The following LHFPL3 variants were observed in gnomAD, a reference collection of about 807,000 sequenced individuals.
The protein encoded by LHFPL3 is LHFPL tetraspan subfamily member 3.
LHFPL3 carries 5 observed loss-of-function variants against 19.3 expected under a neutral mutation model. The ratio of observed to expected loss-of-function variants is 0.26; its 90% CI spans 0.14 to 0.54. LHFPL3 has a LOEUF of 0.54. Among genes scored for constraint, LHFPL3 ranks in the 20% least tolerant of loss-of-function variants. The pLI is 0.94. For synonymous variants in LHFPL3, 133 were observed against 126.2 expected (o/e 1.05, Z -0.36); for missense variants, 249 against 307.4 (o/e 0.81, Z 1.42).
chr7:104,852,854 C>A (rs901178301), intron 2 of LHFPL3, among the ~76,000 whole-genome samples: 1 of 146,464 alleles, frequency 6.8e-6, no homozygotes, highest in Non-Finnish European at 1.5e-5. Flanking sequence ...CCTCCCTCCA[C>A]CCTCTTCCCA....
intron 1 of LHFPL3, among the ~76,000 whole-genome samples, chr7:104,602,616 T>A (rs6953037): frequency 0.028 from 4,223 of 152,278 alleles, 196 homozygotes; most frequent in African/African-American, 0.097. Context: ...GGACACAGAA[T>A]CAATAGCATC....
At chr7:104,436,092 A>T in intron 1 of LHFPL3, among the ~76,000 whole-genome samples, 1 of 152,192 alleles carries the variant, frequency 6.6e-6, no homozygotes, top group Admixed American at 6.5e-5. Flanking sequence ...GGGAGCCCCT[A>T]GCCCCAAGAA....
At chr7:104,785,704 A>G (rs1429343741) in intron 2 of LHFPL3, 1 of 152,178 alleles carries the variant, frequency 6.6e-6, no homozygotes, top group African/African-American at 2.4e-5. Context: ...CCAAGTCCTC[A>G]TGATTTCTCA....
intron 1 of LHFPL3, among the ~76,000 whole-genome samples, chr7:104,423,750 GCAGT>G: frequency 6.7e-6 from 1 of 149,410 alleles, no homozygotes; most frequent in East Asian, 2.0e-4. Flanking sequence ...AGAACTAGCA[GCAGT>G]CCAAAATGTC....
In LHFPL3 at chr7:104,690,248, A is replaced by C. The variant is rs536238588; in HGVS notation, c.446-46427A>C. Among the ~76,000 whole-genome samples, 352 of 152,354 alleles carry C rather than the reference A, an allele frequency of 2.3e-3. 3 individuals are homozygous for C. Among genetic ancestry groups the C allele is most frequent in the African/African-American group, 7.9e-3 (328 of 41,576 alleles). On this transcript the variant is annotated intron_variant, in intron 1 of 2. Coordinates refer to ENST00000424859, the MANE Select transcript of LHFPL3 (RefSeq NM_199000.3). Reference sequence around the variant, plus strand: ...GTACCAGATGTGGTTTCATTGCTTAAACAAATTAACACATCTCCTGGTACC... The same window carrying C: ...GTACCAGATGTGGTTTCATTGCTTACACAAATTAACACATCTCCTGGTACC...
chr7:104,614,653 C>CTTCTCTTCTCTTCTCTCCTTCCTTCCT lies in LHFPL3; in HGVS notation c.446-122021_446-122020insTCTCTTCTCTTCTCTCCTTCCTTCCTT, dbSNP rs1554415305. Among the ~76,000 whole-genome samples the CTTCTCTTCTCTTCTCTCCTTCCTTCCT allele has an allele frequency of 2.9e-4, 15 of 51,528 alleles. 1 individual carries two copies. The Middle Eastern group carries it at 0.022, about 76-fold the overall frequency. The allele number at this position is 51,528 out of a possible 152,430, so 33.8% of individuals were successfully genotyped here. A position where few individuals can be genotyped will look rare whatever the true frequency, so the allele number is the denominator to read the frequency against. ...CTTCTCTTCTCTTCTCTTCTCTTCTCTCCTTCCTTCCTTCCTTCCTTCCTT... is the reference window on the plus strand; with the variant it reads ...CTTCTCTTCTCTTCTCTTCTCTTCTCTTCTCTTCTCTTCTCTCCTTCCTTCCTTCCTTCCTTCCTTCCTTCCTTCCTT... On this transcript the variant is annotated intron_variant, in intron 1 of 2. Coordinates refer to ENST00000424859, the MANE Select transcript of LHFPL3 (RefSeq NM_199000.3).
intron 1 of LHFPL3, among the ~76,000 whole-genome samples, chr7:104,606,985 A>G (rs531700683): frequency 6.6e-6 from 1 of 152,202 alleles, no homozygotes; most frequent in Admixed American, 6.5e-5. Flanking sequence ...TAGGTTCTAC[A>G]ATACTGATGT....
At chr7:104,433,911 A>G (rs1792049122) in intron 1 of LHFPL3, among the ~76,000 whole-genome samples, 1 of 152,230 alleles carries the variant, frequency 6.6e-6, no homozygotes, top group African/African-American at 2.4e-5. Flanking sequence ...ATGCTCAATA[A>G]CATTGTTAAA....
intron 1 of LHFPL3, among the ~76,000 whole-genome samples, chr7:104,488,193 C>G (rs1469541495): frequency 6.6e-6 from 1 of 152,152 alleles, no homozygotes; most frequent in African/African-American, 2.4e-5. Flanking sequence ...CTTCAGTCTC[C>G]TCCTTGCAGC....
chr7:104,759,220 AG>A (rs1463101107), intron 2 of LHFPL3, among the ~76,000 whole-genome samples: 3 of 152,186 alleles, frequency 2.0e-5, no homozygotes, highest in African/African-American at 7.2e-5. Context: ...GTATGAAAGC[AG>A]TGTGGGAGTG....
In LHFPL3 at chr7:104,596,805, T is replaced by C. The variant is rs182080152; in HGVS notation, c.446-139870T>C. Among the ~76,000 whole-genome samples, 356 of 152,296 alleles carry C rather than the reference T, an allele frequency of 2.3e-3. 2 individuals carry two copies. The highest frequency in any genetic ancestry group is 3.3e-3 in the Non-Finnish European group (223 of 68,012). ...TTGCCAGAAAATGTGCAGCTAGGTCTTTGCACTCTTCATTGCAGCGACTAA... is the reference window on the plus strand; with the variant it reads ...TTGCCAGAAAATGTGCAGCTAGGTCCTTGCACTCTTCATTGCAGCGACTAA... On this transcript the variant is annotated intron_variant, in intron 1 of 2. Transcript: ENST00000424859.
At chr7:104,890,403 T>TCCC (rs1034414846) in intron 2 of LHFPL3, among the ~76,000 whole-genome samples, 1 of 152,070 alleles carries the variant, frequency 6.6e-6, no homozygotes, top group Admixed American at 6.6e-5. Flanking sequence ...ATCCCCTTCC[T>TCCC]CCCCCGCATT....
At position 104,843,664 on chromosome 7, in the gene LHFPL3, TAGAGG is replaced by T. The variant is rs563649575; in HGVS notation, c.683-62517_683-62513del. On this transcript the variant is annotated intron_variant, in intron 2 of 2. Coordinates refer to ENST00000424859, the MANE Select transcript of LHFPL3 (RefSeq NM_199000.3). Reference sequence around the variant, plus strand: ...AAGTGAGAAGGAGCAGAAAGAAACTTAGAGGAGAGGGCCTGTACCTTCTCTTCTGA... The same window carrying T: ...AAGTGAGAAGGAGCAGAAAGAAACTTAGAGGGCCTGTACCTTCTCTTCTGA... Among the ~76,000 whole-genome samples, 107 of 152,140 alleles carry T rather than the reference TAGAGG, an allele frequency of 7.0e-4. 2 individuals carry two copies. In the Middle Eastern group the frequency reaches 0.014, roughly 19 times the overall value.
intron 1 of LHFPL3, among the ~76,000 whole-genome samples, chr7:104,472,033 C>T (rs1792918284): frequency 6.6e-6 from 1 of 151,862 alleles, no homozygotes; most frequent in South Asian, 2.1e-4. Context: ...CAAAAATTAG[C>T]CGAGGGTGGG....
At chr7:104,795,907 A>G (rs957430064) in intron 2 of LHFPL3, among the ~76,000 whole-genome samples, 13 of 152,184 alleles carry the variant, frequency 8.5e-5, no homozygotes, top group African/African-American at 3.1e-4. Context: ...CCAGGATGGG[A>G]GACATACAAA....
chr7:104,328,866 T>C lies in LHFPL3; in HGVS notation c.87T>C (p.Tyr29=). The change falls in exon 1 of 3, where the codon TAT becomes TAC. Residue 29 remains tyrosine (Y), a synonymous_variant. Transcript: ENST00000424859. This position sits in a 1 kb window ranked among gnomAD's most constrained non-coding sequence, Gnocchi z 4.6. ...QEAAKLYHTN[Y]VRNSRAIGVL... Reference sequence around the variant, plus strand: ...CTGCCAAGCTGTACCACACCAACTATGTGCGGAACTCGCGGGCCATCGGCG... The same window carrying C: ...CTGCCAAGCTGTACCACACCAACTACGTGCGGAACTCGCGGGCCATCGGCG... 6 of 1,614,122 alleles carry C rather than the reference T, an allele frequency of 3.7e-6. No individual in the cohort carries two copies. Among genetic ancestry groups the C allele is most frequent in the South Asian group, 1.1e-5 (1 of 91,072 alleles).
chr7:104,747,207 G>A (rs866077828), intron 2 of LHFPL3, among the ~76,000 whole-genome samples: 4 of 152,138 alleles, frequency 2.6e-5, no homozygotes, highest in Non-Finnish European at 5.9e-5. Flanking sequence ...CTGCAAGTTC[G>A]ATGACAGTCC....
At chr7:104,329,817 T>G (rs867067973) in intron 1 of LHFPL3, among the ~76,000 whole-genome samples, 2 of 152,348 alleles carry the variant, frequency 1.3e-5, no homozygotes, top group Middle Eastern at 3.4e-3. Flanking sequence ...GGTTTCCCCT[T>G]GTAAGAAGAA....
chr7:104,872,873 A>G (rs570621533), intron 2 of LHFPL3, among the ~76,000 whole-genome samples: 2 of 152,312 alleles, frequency 1.3e-5, no homozygotes, highest in African/African-American at 4.8e-5. Context: ...TAAACAATAA[A>G]TACCTAAACC....
Sources: gnomAD v4.1 joint callset for allele counts (sites outside exome capture counted in the v4.1 genomes callset) on GRCh38, gnomAD v4.1.1 for gene constraint, Gnocchi (gnomAD v3.1) non-coding constraint, MANE v1.5 for transcripts, NCBI Gene and HGNC (gene_info 2026-07-23, HGNC 2026-07-21) for gene names.